NEGR1: variants seen among roughly 807,000 people sequenced by gnomAD.
NEGR1 encodes IgLON family member 4.
NEGR1 carries 10 observed loss-of-function variants against 40.9 expected under a neutral mutation model. That is an observed-to-expected ratio of 0.24 (90% confidence interval 0.15 to 0.42). The LOEUF is 0.42. Ranked by LOEUF, NEGR1 falls within the 10% of genes least tolerant of loss-of-function variation. The probability of loss-of-function intolerance (pLI) is 1.00; values close to 1 mark genes in which losing one functional copy is unlikely to be tolerated. For missense variants in NEGR1, 352 were observed against 438.9 expected (o/e 0.80, Z 1.77); for synonymous variants, 185 against 166.8 (o/e 1.11, Z -0.84).
intron 6 of NEGR1, among the ~76,000 whole-genome samples, chr1:71,491,957 T>C (rs1646931985): frequency 6.6e-6 from 1 of 152,074 alleles, no homozygotes; most frequent in African/African-American, 2.4e-5. Context: ...TCATCAGGGT[T>C]CACATTTCAT....
At chr1:72,227,649 CT>C (rs1654235526) in intron 1 of NEGR1, among the ~76,000 whole-genome samples, 1 of 152,034 alleles carries the variant, frequency 6.6e-6, no homozygotes, top group African/African-American at 2.4e-5. Context: ...TATATAGAAA[CT>C]TTTTTGTAAA....
chr1:71,864,940 A>G (rs1291152949), intron 2 of NEGR1, among the ~76,000 whole-genome samples: 1 of 152,160 alleles, frequency 6.6e-6, no homozygotes, highest in Non-Finnish European at 1.5e-5. Flanking sequence ...GCACACATGA[A>G]GAAGAAAGGG....
At chr1:71,620,612 C>A (rs1227025125) in intron 4 of NEGR1, among the ~76,000 whole-genome samples, 1 of 151,762 alleles carries the variant, frequency 6.6e-6, no homozygotes, top group Non-Finnish European at 1.5e-5. Flanking sequence ...TATGTCTTCG[C>A]CTAATGAATT....
intron 1 of NEGR1, among the ~76,000 whole-genome samples, chr1:72,009,758 G>A (rs918786288): frequency 6.6e-6 from 1 of 152,066 alleles, no homozygotes; most frequent in East Asian, 1.9e-4. Context: ...CAGGAGCCAC[G>A]TGTTATTCAT....
In NEGR1 at chr1:72,088,796, C is replaced by CTCT. The variant is rs1477735559; in HGVS notation, c.177-153486_177-153485insAGA. 3.6e-3 allele frequency among the ~76,000 whole-genome samples: 269 copies of CTCT among 74,966 alleles called. 6 individuals carry two copies. The highest frequency in any genetic ancestry group is 0.012 in the African/African-American group (262 of 21,484). The allele number at this position is 74,966 out of a possible 152,430, so 49.2% of individuals were successfully genotyped here. The stretch of plus-strand genomic sequence containing the variant: ...ATGTATAATGTAGTTCTCTCTCTCT[C>CTCT]TTTTTTTTTTTTTTTTTTTTTTTTT... On this transcript the variant is annotated intron_variant, in intron 1 of 6. Transcript: ENST00000357731.
At chr1:72,231,838 G>C (rs1654376392) in intron 1 of NEGR1, among the ~76,000 whole-genome samples, 1 of 152,132 alleles carries the variant, frequency 6.6e-6, no homozygotes, top group Non-Finnish European at 1.5e-5. Context: ...ATAGGGTAGA[G>C]CTTCACAAAG....
At chr1:71,748,229 A>G (rs1425401176) in intron 3 of NEGR1, among the ~76,000 whole-genome samples, 1 of 152,170 alleles carries the variant, frequency 6.6e-6, no homozygotes, top group Non-Finnish European at 1.5e-5. Flanking sequence ...TACCGTACAT[A>G]CTGGCTGACA....
intron 6 of NEGR1, among the ~76,000 whole-genome samples, chr1:71,496,401 T>C (rs931454882): frequency 1.3e-5 from 2 of 152,128 alleles, no homozygotes; most frequent in African/African-American, 4.8e-5. Context: ...ATGGGTTGAT[T>C]CTTGGCTTGA....
intron 4 of NEGR1, among the ~76,000 whole-genome samples, chr1:71,666,839 T>TCTTGACATGTG (rs1652260655): frequency 6.6e-6 from 1 of 152,182 alleles, no homozygotes; most frequent in South Asian, 2.1e-4. Context: ...GCAAACCACA[T>TCTTGACATGTG]TCAACCCAAG....
At chr1:71,620,502 G>T (rs1045898115) in intron 4 of NEGR1, among the ~76,000 whole-genome samples, 4 of 151,972 alleles carry the variant, frequency 2.6e-5, no homozygotes, top group African/African-American at 9.7e-5. Context: ...TTGAAGACAG[G>T]TTGAAACTCA....
At chr1:71,750,061 T>G (rs1655518251) in intron 3 of NEGR1, among the ~76,000 whole-genome samples, 1 of 149,596 alleles carries the variant, frequency 6.7e-6, no homozygotes, top group African/African-American at 2.5e-5. Context: ...TGGCGCAATC[T>G]CGGCTCACTG....
intron 4 of NEGR1, among the ~76,000 whole-genome samples, chr1:71,675,711 A>G (rs980578802): frequency 6.6e-6 from 1 of 152,172 alleles, no homozygotes; most frequent in African/African-American, 2.4e-5. Flanking sequence ...TAGGGTATAC[A>G]GAAAAAGAAA....
At chr1:72,103,247 C>T (rs1220830589) in intron 1 of NEGR1, among the ~76,000 whole-genome samples, 1 of 151,978 alleles carries the variant, frequency 6.6e-6, no homozygotes, top group Non-Finnish European at 1.5e-5. Flanking sequence ...TACTATGCTC[C>T]ACTGAGGCTA....
chr1:71,704,990 C>T (rs932980325), intron 3 of NEGR1, among the ~76,000 whole-genome samples: 10 of 151,836 alleles, frequency 6.6e-5, no homozygotes, highest in South Asian at 2.1e-4. Flanking sequence ...TGAATCACTA[C>T]ATTAACAACA....
chr1:71,989,619 T>G, intron 1 of NEGR1, among the ~76,000 whole-genome samples: 1 of 152,328 alleles, frequency 6.6e-6, no homozygotes, highest in Admixed American at 6.5e-5. Context: ...ATGCTTATTC[T>G]GTAACTTTTG....
intron 1 of NEGR1, among the ~76,000 whole-genome samples, chr1:72,022,249 T>A (rs1646766148): frequency 7.3e-6 from 1 of 137,358 alleles, no homozygotes; most frequent in South Asian, 2.3e-4. Context: ...TAGAAAATTA[T>A]AAACAATTTT....
chr1:71,918,383 G>C (rs1473649358), intron 2 of NEGR1, among the ~76,000 whole-genome samples: 2 of 151,880 alleles, frequency 1.3e-5, no homozygotes, highest in African/African-American at 4.8e-5. Flanking sequence ...CTCCTTTGGA[G>C]TTGGGGAACA....
intron 4 of NEGR1, among the ~76,000 whole-genome samples, chr1:71,679,814 AT>A (rs1344947921): frequency 2.6e-5 from 4 of 152,100 alleles, no homozygotes; most frequent in East Asian, 1.9e-4. Context: ...TAATGTAGAT[AT>A]TTTTATATGC....
At chr1:71,800,948 G>C (rs911734528) in intron 2 of NEGR1, among the ~76,000 whole-genome samples, 1 of 152,116 alleles carries the variant, frequency 6.6e-6, no homozygotes, top group Non-Finnish European at 1.5e-5. Context: ...AATAGTGTTT[G>C]TAGTCATCAT....
Sources: allele counts gnomAD v4.1 joint callset (sites outside exome capture counted in the v4.1 genomes callset), GRCh38; gene constraint gnomAD v4.1.1; transcripts MANE v1.5; gene names NCBI Gene and HGNC (gene_info 2026-07-23, HGNC 2026-07-21).